Variants in FAM13A observed in about 807,000 individuals in gnomAD.
FAM13A encodes the protein protein FAM13A.
Under a neutral mutation model 129.6 loss-of-function variants are expected in FAM13A, and 76 were observed. The observed-to-expected ratio is 0.59, with a 90% CI of 0.49 to 0.71. The LOEUF (loss-of-function observed/expected upper bound fraction) is 0.71, where lower values mean the gene tolerates loss of function less well. FAM13A is among the 30% of genes least tolerant of loss of function. The pLI is 0.00. For synonymous variants in FAM13A, 443 were observed against 449.9 expected (o/e 0.98, Z 0.20); for missense variants, 1,108 against 1,249.3 (o/e 0.89, Z 1.70).
intron 5 of FAM13A, among the ~76,000 whole-genome samples, chr4:88,920,738 T>C (rs186803323): frequency 1.2e-4 from 18 of 152,186 alleles, no homozygotes; most frequent in African/African-American, 4.1e-4. Flanking sequence ...AGGCTTCAGA[T>C]GATCAAACTA....
chr4:88,865,418 T>C (rs1297153443), intron 6 of FAM13A, among the ~76,000 whole-genome samples: 2 of 152,250 alleles, frequency 1.3e-5, no homozygotes, highest in African/African-American at 2.4e-5. Flanking sequence ...AAATAGTTTA[T>C]ACCTTATAGC....
At chr4:88,964,094 G>A (rs1161681142) in intron 4 of FAM13A, among the ~76,000 whole-genome samples, 1 of 152,192 alleles carries the variant, frequency 6.6e-6, no homozygotes, top group Non-Finnish European at 1.5e-5. Flanking sequence ...GCTGCAATCT[G>A]CCTAGTTAGA....
chr4:88,887,118 T>C (rs1403952923), intron 6 of FAM13A, among the ~76,000 whole-genome samples: 1 of 152,002 alleles, frequency 6.6e-6, no homozygotes, highest in African/African-American at 2.4e-5. Context: ...GGCATAAGAA[T>C]GATACAACGG....
At chr4:88,963,454 T>G (rs892627221) in intron 4 of FAM13A, among the ~76,000 whole-genome samples, 1 of 152,088 alleles carries the variant, frequency 6.6e-6, no homozygotes, top group East Asian at 1.9e-4. Context: ...CCTGCCACCA[T>G]GCCCAGCGAA....
At chr4:88,878,287 C>CAAAAAA (rs56067813) in intron 6 of FAM13A, among the ~76,000 whole-genome samples, 57 of 61,040 alleles carry the variant, frequency 9.3e-4, no homozygotes, top group African/African-American at 1.7e-3. Flanking sequence ...GACTCCATCT[C>CAAAAAA]AAAAAAAAAA....
intron 11 of FAM13A, among the ~76,000 whole-genome samples, chr4:88,779,518 T>G (rs1007016908): frequency 6.6e-6 from 1 of 152,176 alleles, no homozygotes; most frequent in East Asian, 1.9e-4. Flanking sequence ...ACTTTACAGA[T>G]GAGGAAGTTT....
intron 5 of FAM13A, among the ~76,000 whole-genome samples, chr4:88,907,949 A>G (rs866554011): frequency 6.6e-6 from 1 of 152,222 alleles, no homozygotes; most frequent in Non-Finnish European, 1.5e-5. Flanking sequence ...GCTGAGACTC[A>G]TGTCTGGACC....
At chr4:89,036,650 A>G (rs1560903455) in intron 1 of FAM13A, among the ~76,000 whole-genome samples, 1 of 152,106 alleles carries the variant, frequency 6.6e-6, no homozygotes, top group Non-Finnish European at 1.5e-5. Flanking sequence ...AAATGTCTCA[A>G]AGGCATTTCA....
At chr4:89,006,882 T>C (rs1210836894) in intron 3 of FAM13A, among the ~76,000 whole-genome samples, 2 of 152,224 alleles carry the variant, frequency 1.3e-5, no homozygotes, top group African/African-American at 4.8e-5. Context: ...AAGCCGCATC[T>C]ATCCATAGTC....
intron 3 of FAM13A, among the ~76,000 whole-genome samples, chr4:89,017,345 G>T (rs1766633191): frequency 6.6e-6 from 1 of 151,966 alleles, no homozygotes; most frequent in Non-Finnish European, 1.5e-5. Context: ...TATACAATGA[G>T]TCTTGCTTTT....
intron 9 of FAM13A, among the ~76,000 whole-genome samples, chr4:88,789,369 T>C (rs1014542639): frequency 3.9e-5 from 6 of 152,190 alleles, no homozygotes; most frequent in South Asian, 4.1e-4. Context: ...TCCATCCTGT[T>C]AGATCCAAAT....
At chr4:88,893,441 G>A (rs1745704450) in intron 6 of FAM13A, among the ~76,000 whole-genome samples, 2 of 152,154 alleles carry the variant, frequency 1.3e-5, no homozygotes, top group Admixed American at 6.5e-5. Flanking sequence ...TGGCTAACAC[G>A]GTGAAACCCC....
intron 4 of FAM13A, among the ~76,000 whole-genome samples, chr4:88,963,254 G>A: frequency 6.6e-6 from 1 of 151,920 alleles, no homozygotes; most frequent in African/African-American, 2.4e-5. Context: ...TTACAACAAT[G>A]GGTTGGCCAC....
chr4:88,787,828 G>A lies in FAM13A; in HGVS notation c.1196C>T (p.Ala399Val). The part of the protein sequence containing the change: ...SEDSESGTLS[A>V]SSATSARQRR... Reference sequence around the variant, plus strand: ...CTGTCTGGCAGATGTGGCAGAAGATGCTGATAGTGTTCCAGATTCTGAGTC... The same window carrying A: ...CTGTCTGGCAGATGTGGCAGAAGATACTGATAGTGTTCCAGATTCTGAGTC... Residue 399 changes from alanine (A) to valine (V), a missense_variant, in exon 10 of 24, where the codon GCA (alanine) becomes GTA (valine). Physicochemically the swap from Ala to Val is moderately conservative, Grantham distance 64 (BLOSUM62 0). This residue lies in a region of FAM13A where 566 missense variants were observed against 595.7 expected (regional missense o/e 0.95). Transcript: ENST00000264344. The A allele has an allele frequency of 1.2e-6, 2 of 1,613,654 alleles. No individual in the cohort carries two copies. The highest frequency in any genetic ancestry group is 8.5e-7 in the Non-Finnish European group (1 of 1,179,722).
rs527521241 is a variant in FAM13A at position 88,947,630 on chromosome 4, T to C, written c.606-9389A>G. Among the ~76,000 whole-genome samples, 27 of 152,320 alleles carry C rather than the reference T, an allele frequency of 1.8e-4. 1 individual carries two copies. In the South Asian group the frequency reaches 5.4e-3, roughly 30 times the overall value. ...TTCCTGCCATACAAGGAAAGTAACT[T>C]TGAAACTACCAATCCACTTTTTCTT... On this transcript the variant is annotated intron_variant, in intron 4 of 23. Coordinates refer to ENST00000264344, the MANE Select transcript of FAM13A (RefSeq NM_014883.4).
At chr4:88,869,691 A>G (rs1221705165) in intron 6 of FAM13A, among the ~76,000 whole-genome samples, 2 of 152,258 alleles carry the variant, frequency 1.3e-5, no homozygotes, top group Non-Finnish European at 2.9e-5. Context: ...TGAAGATTCC[A>G]TGTATCAACT....
chr4:88,732,076 A>T lies in FAM13A; in HGVS notation c.2769T>A (p.Ile923=). ...DQFEDDADGF[I]SPMDDKIPSK... ...ATGGTATTTTATCATCCATTGGGGA[A>T]ATAAATCCATCAGCGTCATCTTCGA... Residue 923 remains isoleucine, a synonymous_variant, in exon 22 of 24, where the codon ATT becomes ATA. Coordinates refer to ENST00000264344, the MANE Select transcript of FAM13A (RefSeq NM_014883.4). 1 of 1,614,050 alleles carries T rather than the reference A, an allele frequency of 6.2e-7. No individual in the cohort carries two copies. Among genetic ancestry groups the T allele is most frequent in the African/African-American group, 1.3e-5 (1 of 75,030 alleles).
At chr4:88,893,206 AG>A (rs1745656924) in intron 6 of FAM13A, among the ~76,000 whole-genome samples, 1 of 152,224 alleles carries the variant, frequency 6.6e-6, no homozygotes, top group Admixed American at 6.5e-5. Context: ...CCCAAATCTC[AG>A]TAGCTTCACA....
intron 7 of FAM13A, among the ~76,000 whole-genome samples, chr4:88,839,714 A>G (rs564299066): frequency 8.5e-5 from 13 of 152,318 alleles, no homozygotes; most frequent in Middle Eastern, 3.4e-3. Context: ...TAGTGAGACA[A>G]AACAAAAAAA....
Sources: allele counts gnomAD v4.1 joint callset (sites outside exome capture counted in the v4.1 genomes callset), GRCh38; gene constraint gnomAD v4.1.1; regional missense constraint gnomAD v4.1.1; transcripts MANE v1.5; gene names NCBI Gene and HGNC (gene_info 2026-07-23, HGNC 2026-07-21).